LEPR: variants seen among roughly 807,000 people sequenced by gnomAD.
LEPR encodes the protein OB receptor.
LEPR carries 56 observed loss-of-function variants against 114.7 expected under a neutral mutation model. The observed-to-expected ratio is 0.49, with a 90% CI of 0.39 to 0.61. The LOEUF (loss-of-function observed/expected upper bound fraction) is 0.61, where lower values mean the gene tolerates loss of function less well. Ranked by LOEUF, LEPR falls within the 20% of genes least tolerant of loss-of-function variation. The probability of loss-of-function intolerance (pLI) is 0.00; values close to 1 mark genes in which losing one functional copy is unlikely to be tolerated. For missense variants in LEPR, 1,202 were observed against 1,352.9 expected, an observed-to-expected ratio of 0.89 and a Z score of 1.75; for synonymous variants, 443 against 461.4, an observed-to-expected ratio of 0.96 and a Z score of 0.51.
At chr1:65,528,836 G>T (rs910786169) in intron 2 of LEPR, among the ~76,000 whole-genome samples, 1 of 152,036 alleles carries the variant, frequency 6.6e-6, no homozygotes. Context: ...ACGGTGTCTT[G>T]CTCTGTCGCC....
intron 2 of LEPR, among the ~76,000 whole-genome samples, chr1:65,548,511 A>T (rs1651977297): frequency 6.6e-6 from 1 of 152,102 alleles, no homozygotes; most frequent in South Asian, 2.1e-4. Context: ...GTGCATATAT[A>T]TTTAAGATAG....
chr1:65,638,241 A>G lies in LEPR; in HGVS notation c.*1226A>G, dbSNP rs1326934227. Reference sequence around the variant, plus strand: ...AGAAAAAATAAAGATTATAAAATGTATTAAGTAGAAGTATAATGCTGGATG... The same window carrying G: ...AGAAAAAATAAAGATTATAAAATGTGTTAAGTAGAAGTATAATGCTGGATG... On this transcript the variant is annotated 3_prime_UTR_variant, in exon 20 of 20. Coordinates refer to ENST00000349533, the MANE Select transcript of LEPR (RefSeq NM_002303.6). 3 of 152,188 alleles carry G rather than the reference A, an allele frequency of 2.0e-5. No homozygotes were observed. Among genetic ancestry groups the G allele is most frequent in the African/African-American group, 7.2e-5 (3 of 41,452 alleles). The allele number at this position is 152,188 out of a possible 1,614,324, so 9.4% of individuals were successfully genotyped here. A position where few individuals can be genotyped will look rare whatever the true frequency, so the allele number is the denominator to read the frequency against.
chr1:65,565,589 G>A lies in LEPR; in HGVS notation c.24G>A (p.Val8=). The A allele has an allele frequency of 6.2e-7, 1 of 1,613,774 alleles. No individual in the cohort carries two copies. Among genetic ancestry groups the A allele is most frequent in the African/African-American group, 1.3e-5 (1 of 74,968 alleles). The change falls in exon 3 of 20, where the codon GTG becomes GTA. Residue 8 remains valine (V), a synonymous_variant. Coordinates refer to ENST00000349533, the MANE Select transcript of LEPR (RefSeq NM_002303.6). ...AGATGATTTGTCAAAAATTCTGTGT[G>A]GTTTTGTTACATTGGGGTAAGTTAT... MICQKFC[V]VLLHWEFIYV... is the part of the protein sequence containing the mutation.
intron 2 of LEPR, among the ~76,000 whole-genome samples, chr1:65,473,236 A>T (rs1299082022): frequency 6.6e-6 from 1 of 152,226 alleles, no homozygotes; most frequent in Non-Finnish European, 1.5e-5. Flanking sequence ...AACTGGCACA[A>T]GGTCACACAG....
At chr1:65,433,420 AAGATCTATTG>A in intron 2 of LEPR, 27 of 985,412 alleles carry the variant, frequency 2.7e-5, no homozygotes, top group Non-Finnish European at 3.3e-5. Flanking sequence ...CTTTTTGTCT[AAGATCTATTG>A]AGAAAGGGAA....
intron 2 of LEPR, among the ~76,000 whole-genome samples, chr1:65,455,889 C>A (rs140935590): frequency 6.6e-6 from 1 of 152,130 alleles, no homozygotes; most frequent in Non-Finnish European, 1.5e-5. Context: ...GCCTTGCTGC[C>A]GCCTTGCAGT....
At chr1:65,576,790 TC>T (rs1398978367) in intron 5 of LEPR, 2 of 235,098 alleles carry the variant, frequency 8.5e-6, no homozygotes, top group Admixed American at 4.4e-5. Context: ...ATCCATATGG[TC>T]CCCTTTTTTT....
intron 2 of LEPR, among the ~76,000 whole-genome samples, chr1:65,463,018 T>C (rs1183780490): frequency 6.6e-6 from 1 of 152,214 alleles, no homozygotes; most frequent in African/African-American, 2.4e-5. Context: ...CATTTGTCAA[T>C]TTTGGCTTTT....
chr1:65,556,970 C>T (rs1167752196), intron 2 of LEPR, among the ~76,000 whole-genome samples: 1 of 152,154 alleles, frequency 6.6e-6, no homozygotes, highest in African/African-American at 2.4e-5. Context: ...ATCACTTTAA[C>T]TGCTATGTTG....
At chr1:65,532,705 T>C (rs1316580600) in intron 2 of LEPR, among the ~76,000 whole-genome samples, 1 of 152,160 alleles carries the variant, frequency 6.6e-6, no homozygotes, top group Non-Finnish European at 1.5e-5. Flanking sequence ...CTTGAAAACA[T>C]GATGCTAACA....
At chr1:65,434,023 C>T (rs1646524134) in intron 2 of LEPR, 2 of 985,178 alleles carry the variant, frequency 2.0e-6, no homozygotes, top group African/African-American at 3.5e-5. Flanking sequence ...CTACATTTTG[C>T]AAAAGTGTTT....
intron 5 of LEPR, chr1:65,576,656 TGATGG>T (rs1654606785): frequency 6.3e-6 from 1 of 157,934 alleles, no homozygotes; most frequent in Non-Finnish European, 1.4e-5. Context: ...ACATGCTCAC[TGATGG>T]TTCCAAAGCT....
chr1:65,425,880 G>A (rs1490099344), intron 2 of LEPR, among the ~76,000 whole-genome samples: 8 of 152,126 alleles, frequency 5.3e-5, no homozygotes, highest in Admixed American at 5.2e-4. Context: ...CCAGGCAGAG[G>A]GAACATTCTA....
chr1:65,455,549 T>C (rs1646857950), intron 2 of LEPR, among the ~76,000 whole-genome samples: 1 of 152,288 alleles, frequency 6.6e-6, no homozygotes, highest in Admixed American at 6.5e-5. Flanking sequence ...CCATGTGAGG[T>C]GTCAGTCTGC....
At chr1:65,574,403 TAAA>T (rs11291729) in intron 5 of LEPR, among the ~76,000 whole-genome samples, 1 of 151,886 alleles carries the variant, frequency 6.6e-6, no homozygotes, top group Non-Finnish European at 1.5e-5. Context: ...ATAATAATAA[TAAA>T]AAAAATTTAA....
At chr1:65,614,962 G>A (rs1657435649) in intron 14 of LEPR, among the ~76,000 whole-genome samples, 1 of 151,966 alleles carries the variant, frequency 6.6e-6, no homozygotes, top group Non-Finnish European at 1.5e-5. Flanking sequence ...GTACCAGAAA[G>A]TAAGGAAGCT....
intron 2 of LEPR, among the ~76,000 whole-genome samples, chr1:65,455,617 C>G (rs1435078397): frequency 6.6e-6 from 1 of 152,210 alleles, no homozygotes; most frequent in Non-Finnish European, 1.5e-5. Flanking sequence ...CAGGGACCCA[C>G]TTGAGGAGGC....
At chr1:65,590,553 T>C (rs958688006) in intron 5 of LEPR, among the ~76,000 whole-genome samples, 3 of 151,758 alleles carry the variant, frequency 2.0e-5, no homozygotes, top group African/African-American at 4.8e-5. Context: ...AAGGGGCTTT[T>C]CCCCACATTC....
At chr1:65,589,475 A>G (rs6662244) in intron 5 of LEPR, among the ~76,000 whole-genome samples, 75,976 of 151,090 alleles carry the variant, frequency 0.5, 20,012 homozygotes, top group East Asian at 0.88. Flanking sequence ...TGTGTCATAT[A>G]TAAGAAATTT....
Sources: gnomAD v4.1 joint callset for allele counts (sites outside exome capture counted in the v4.1 genomes callset) on GRCh38, gnomAD v4.1.1 for gene constraint, MANE v1.5 for transcripts, NCBI Gene and HGNC (gene_info 2026-07-23, HGNC 2026-07-21) for gene names.